The following NLGN1 variants were observed in gnomAD, a reference collection of about 807,000 sequenced individuals.
NLGN1 encodes neuroligin 1, also known as neuroligin-1.
A neutral mutation model predicts 65.5 loss-of-function variants in NLGN1; 12 were observed. The ratio of observed to expected loss-of-function variants is 0.18; its 90% CI spans 0.12 to 0.30. The LOEUF is 0.30. Among genes scored for constraint, NLGN1 ranks in the 10% least tolerant of loss-of-function variants. The probability of loss-of-function intolerance (pLI) is 1.00; values close to 1 mark genes in which losing one functional copy is unlikely to be tolerated. For missense variants in NLGN1, 750 were observed against 1,007.1 expected (o/e 0.74, Z 3.46); for synonymous variants, 350 against 359.5 (o/e 0.97, Z 0.30).
intron 4 of NLGN1, among the ~76,000 whole-genome samples, chr3:173,960,663 A>G (rs972312865): frequency 3.3e-5 from 5 of 152,116 alleles, no homozygotes; most frequent in African/African-American, 1.2e-4. Context: ...TATAAACTAT[A>G]CAAAGAAAAA....
chr3:173,821,786 G>A (rs1011795743), intron 4 of NLGN1, among the ~76,000 whole-genome samples: 4 of 151,972 alleles, frequency 2.6e-5, no homozygotes, highest in Admixed American at 6.6e-5. Flanking sequence ...GTCCCTTAGC[G>A]ATATTTTACT....
chr3:173,789,572 T>G (rs1031286959), intron 3 of NLGN1, among the ~76,000 whole-genome samples: 6 of 152,174 alleles, frequency 3.9e-5, no homozygotes, highest in African/African-American at 1.4e-4. Context: ...TCATATAGAT[T>G]ATCACCTAAA....
At chr3:173,425,809 A>G (rs1378177333) in intron 1 of NLGN1, among the ~76,000 whole-genome samples, 2 of 152,074 alleles carry the variant, frequency 1.3e-5, no homozygotes, top group Non-Finnish European at 2.9e-5. Context: ...TACTTTGACT[A>G]TTTGGGGTTC....
intron 4 of NLGN1, among the ~76,000 whole-genome samples, chr3:174,049,531 G>A (rs1016296011): frequency 3.9e-5 from 6 of 152,010 alleles, no homozygotes; most frequent in African/African-American, 1.4e-4. Context: ...AGCAGACCTG[G>A]GCAGAAACTG....
intron 4 of NLGN1, among the ~76,000 whole-genome samples, chr3:174,051,245 C>A (rs539932415): frequency 1.3e-5 from 2 of 152,122 alleles, no homozygotes; most frequent in South Asian, 4.1e-4. Flanking sequence ...AGGGTGCCAC[C>A]CACCGTATTA....
intron 2 of NLGN1, among the ~76,000 whole-genome samples, chr3:173,577,729 A>G (rs538342045): frequency 1.9e-3 from 296 of 152,318 alleles, no homozygotes; most frequent in Non-Finnish European, 3.0e-3. Context: ...AAGCAAAAAC[A>G]AACTCTAAAA....
At chr3:173,632,412 A>T (rs1755831418) in intron 3 of NLGN1, among the ~76,000 whole-genome samples, 1 of 152,154 alleles carries the variant, frequency 6.6e-6, no homozygotes, top group Admixed American at 6.5e-5. Flanking sequence ...CTTCCCTTTC[A>T]CAAATTTTGG....
At chr3:174,009,226 C>T (rs1725032064) in intron 4 of NLGN1, among the ~76,000 whole-genome samples, 1 of 152,138 alleles carries the variant, frequency 6.6e-6, no homozygotes, top group Admixed American at 6.5e-5. Flanking sequence ...TCCCTCATTA[C>T]ATCATCTAAA....
chr3:173,892,609 G>A (rs1478887373), intron 4 of NLGN1, among the ~76,000 whole-genome samples: 2 of 151,516 alleles, frequency 1.3e-5, no homozygotes, highest in Admixed American at 6.6e-5. Flanking sequence ...TAAGAAATGA[G>A]GAATAAGAGA....
At chr3:174,022,417 A>G (rs558754577) in intron 4 of NLGN1, among the ~76,000 whole-genome samples, 10 of 152,238 alleles carry the variant, frequency 6.6e-5, no homozygotes, top group Middle Eastern at 3.4e-3. Context: ...GACAGCATTT[A>G]TGGAATAGCT....
intron 3 of NLGN1, among the ~76,000 whole-genome samples, chr3:173,718,743 T>G (rs1770302501): frequency 6.6e-6 from 1 of 152,168 alleles, no homozygotes; most frequent in Admixed American, 6.6e-5. Flanking sequence ...ATATATGGCT[T>G]TATCTGATGC....
At chr3:173,856,507 CTG>C (rs1030417792) in intron 4 of NLGN1, among the ~76,000 whole-genome samples, 12 of 152,050 alleles carry the variant, frequency 7.9e-5, no homozygotes, top group African/African-American at 2.9e-4. Context: ...TATTTAGTAA[CTG>C]TGTTTGTCAG....
At chr3:173,687,815 C>T (rs1202564240) in intron 3 of NLGN1, among the ~76,000 whole-genome samples, 1 of 152,142 alleles carries the variant, frequency 6.6e-6, no homozygotes, top group Non-Finnish European at 1.5e-5. Context: ...TATTTCCAGA[C>T]AATCAATGAA....
In NLGN1 at chr3:173,654,050, A is replaced by G. The variant is rs115846653; in HGVS notation, c.493+48959A>G. Among the ~76,000 whole-genome samples, 969 of 152,300 alleles carry G rather than the reference A, an allele frequency of 6.4e-3. 13 individuals carry two copies. The highest frequency in any genetic ancestry group is 0.022 in the African/African-American group (924 of 41,570). ...AATAGAATCACCCAGCTGATGCCAT[A>G]TGGAACTGAGTTGAGTCATCCTCAA... On this transcript the variant is annotated intron_variant, in intron 3 of 6. Transcript: ENST00000457714.
chr3:174,052,364 A>C (rs1378253021), intron 4 of NLGN1, among the ~76,000 whole-genome samples: 1 of 151,964 alleles, frequency 6.6e-6, no homozygotes, highest in East Asian at 1.9e-4. Flanking sequence ...TTGAGACTTC[A>C]TTGAAGAGTT....
Position 173,459,483 on chromosome 3 carries a change from A to G in NLGN1, c.-321+24405A>G, listed in dbSNP as rs117390923. On this transcript the variant is annotated intron_variant, in intron 2 of 6. Transcript: ENST00000457714. The stretch of plus-strand genomic sequence containing the variant: ...ATTTCTTTGCTTAATCAGAGGCTAC[A>G]CATGCTAATTTTCTAGTTCTTGAGT... 3.3e-5 allele frequency among the ~76,000 whole-genome samples: 5 copies of G among 152,228 alleles called. No homozygotes were observed. The East Asian group carries it at 5.8e-4, about 18-fold the overall frequency.
chr3:173,944,340 G>A (rs767586392), intron 4 of NLGN1, among the ~76,000 whole-genome samples: 4 of 152,060 alleles, frequency 2.6e-5, no homozygotes, highest in Admixed American at 6.6e-5. Flanking sequence ...TAAAAAAGGA[G>A]AGAAATTAAA....
intron 1 of NLGN1, among the ~76,000 whole-genome samples, chr3:173,432,558 AT>A (rs1222698742): frequency 6.6e-6 from 1 of 152,170 alleles, no homozygotes; most frequent in African/African-American, 2.4e-5. Context: ...ACTTTGGCCA[AT>A]TTTTTAATCA....
chr3:174,178,354 C>T (rs185956715), intron 4 of NLGN1, among the ~76,000 whole-genome samples: 1 of 152,166 alleles, frequency 6.6e-6, no homozygotes. Flanking sequence ...TTTAGAAATA[C>T]CTCCAGGCCA....
Sources: gnomAD v4.1 joint callset for allele counts (sites outside exome capture counted in the v4.1 genomes callset) on GRCh38, gnomAD v4.1.1 for gene constraint, MANE v1.5 for transcripts, NCBI Gene and HGNC (gene_info 2026-07-23, HGNC 2026-07-21) for gene names.